ANTXR2: variants seen among roughly 807,000 people sequenced by gnomAD.
ANTXR2 encodes the protein anthrax toxin receptor 2.
Under a neutral mutation model 73.7 loss-of-function variants are expected in ANTXR2, and 44 were observed. The ratio of observed to expected loss-of-function variants is 0.60; its 90% CI spans 0.47 to 0.77. ANTXR2 has a LOEUF of 0.77. Among genes scored for constraint, ANTXR2 ranks in the 30% least tolerant of loss-of-function variants. The pLI is 0.00. For synonymous variants in ANTXR2, 217 were observed against 205.9 expected, an observed-to-expected ratio of 1.05 and a Z score of -0.46; for missense variants, 604 against 592.5, an observed-to-expected ratio of 1.02 and a Z score of -0.20.
At chr4:79,959,204 A>T (rs1729052144) in intron 16 of ANTXR2, among the ~76,000 whole-genome samples, 1 of 152,100 alleles carries the variant, frequency 6.6e-6, no homozygotes, top group Non-Finnish European at 1.5e-5. Flanking sequence ...AAAATTAATC[A>T]TCCAAACTGA....
At chr4:79,954,533 C>T (rs932424337) in intron 16 of ANTXR2, among the ~76,000 whole-genome samples, 1 of 151,968 alleles carries the variant, frequency 6.6e-6, no homozygotes, top group African/African-American at 2.4e-5. Context: ...TCACTTGAGC[C>T]CAGGAGTTCA....
chr4:79,922,500 T>C (rs1341169402), intron 16 of ANTXR2, among the ~76,000 whole-genome samples: 1 of 152,010 alleles, frequency 6.6e-6, no homozygotes, highest in Non-Finnish European at 1.5e-5. Context: ...AAATGAAAAA[T>C]GTAACCTTTC....
At chr4:80,023,173 A>G (rs1732254103) in intron 10 of ANTXR2, among the ~76,000 whole-genome samples, 1 of 152,222 alleles carries the variant, frequency 6.6e-6, no homozygotes, top group Non-Finnish European at 1.5e-5. Flanking sequence ...ATATAAAAAT[A>G]TTGTAAGCTA....
At chr4:79,960,652 TTA>T (rs1408439620) in intron 16 of ANTXR2, among the ~76,000 whole-genome samples, 2 of 152,056 alleles carry the variant, frequency 1.3e-5, no homozygotes, top group African/African-American at 4.8e-5. Context: ...CTCTCTTTTT[TTA>T]TGTTATTTGC....
chr4:80,002,037 T>A (rs554627220), intron 12 of ANTXR2, among the ~76,000 whole-genome samples: 1 of 152,212 alleles, frequency 6.6e-6, no homozygotes, highest in South Asian at 2.1e-4. Flanking sequence ...AATGACTTTC[T>A]TCACAGAATT....
At chr4:80,027,435 C>T (rs1409093170) in intron 10 of ANTXR2, among the ~76,000 whole-genome samples, 1 of 152,148 alleles carries the variant, frequency 6.6e-6, no homozygotes, top group Non-Finnish European at 1.5e-5. Flanking sequence ...CACTGTTCAT[C>T]TCAATGATCC....
intron 3 of ANTXR2, among the ~76,000 whole-genome samples, chr4:80,059,123 A>T (rs1490857786): frequency 1.3e-5 from 2 of 151,494 alleles, no homozygotes; most frequent in South Asian, 4.2e-4. Flanking sequence ...AAATTTTAGC[A>T]CTCTTCTTTT....
At chr4:79,957,893 G>C (rs72871895) in intron 16 of ANTXR2, among the ~76,000 whole-genome samples, 15,881 of 151,968 alleles carry the variant, frequency 0.1, 2,699 homozygotes, top group African/African-American at 0.36. Flanking sequence ...AGAAAAGACT[G>C]TTTAGTCATT....
At chr4:79,934,676 A>T (rs1728190187) in intron 16 of ANTXR2, among the ~76,000 whole-genome samples, 1 of 152,186 alleles carries the variant, frequency 6.6e-6, no homozygotes, top group Non-Finnish European at 1.5e-5. Context: ...AATGTGCATG[A>T]AGCTTAATGC....
At chr4:80,047,587 T>G (rs1449041481) in intron 7 of ANTXR2, among the ~76,000 whole-genome samples, 2 of 151,628 alleles carry the variant, frequency 1.3e-5, no homozygotes. Context: ...CCCAACAGAA[T>G]TGGTACAGGA....
intron 6 of ANTXR2, among the ~76,000 whole-genome samples, 186 bp from the exon 7 acceptor site, chr4:80,054,538 C>T (rs531370127): frequency 6.6e-6 from 1 of 151,718 alleles, no homozygotes; most frequent in African/African-American, 2.4e-5. Flanking sequence ...TGTATTACCA[C>T]AAAATGAATT....
rs1730043366 is a variant in ANTXR2, at chr4:79,984,818, C to T, written c.1086+1G>A. The stretch of plus-strand genomic sequence containing the variant: ...TATCAGTTTTTTAGGCACTCACTTA[C>T]CTCTTTTGGTGCAGGGGCGGGTGGT... On this transcript the variant is annotated splice_donor_variant, in intron 13 of 16. Transcript: ENST00000403729. LOFTEE classifies it high-confidence loss of function. 5 of 1,607,352 alleles carry T rather than the reference C, an allele frequency of 3.1e-6. No individual in the cohort carries two copies. Among genetic ancestry groups the T allele is most frequent in the Non-Finnish European group, 4.3e-6 (5 of 1,176,194 alleles).
intron 16 of ANTXR2, among the ~76,000 whole-genome samples, chr4:79,944,181 C>T (rs1728429365): frequency 1.5e-5 from 1 of 67,020 alleles, no homozygotes; most frequent in African/African-American, 5.1e-5. Context: ...GCAGAAGAGG[C>T]AAGAGCTCTA....
rs1288259138 is a variant in ANTXR2 at position 80,069,489 on chromosome 4, A to C, written c.243T>G (p.Ser81=). The change falls in exon 3 of 17, where the codon TCT becomes TCG. Residue 81 remains serine (S), a synonymous_variant. Coordinates refer to ENST00000403729, the MANE Select transcript of ANTXR2 (RefSeq NM_058172.6). ...TTGCTTGAGAAGAAAACACAATGAA[A>C]GATAATCTCATTTCAGGGCTGCAAA... ...ERFVSPEMRL[S]FIVFSSQATI... The C allele has an allele frequency of 6.2e-7, 1 of 1,603,538 alleles. No individual in the cohort carries two copies. Among genetic ancestry groups the C allele is most frequent in the Middle Eastern group, 1.6e-4 (1 of 6,070 alleles).
intron 3 of ANTXR2, among the ~76,000 whole-genome samples, chr4:80,067,405 A>G (rs999988207): frequency 6.6e-6 from 1 of 152,238 alleles, no homozygotes; most frequent in Non-Finnish European, 1.5e-5. Context: ...AACCATATGC[A>G]AAGTGTCTAG....
At chr4:80,000,898 T>C (rs1261169435) in intron 12 of ANTXR2, among the ~76,000 whole-genome samples, 2 of 152,050 alleles carry the variant, frequency 1.3e-5, no homozygotes, top group Non-Finnish European at 2.9e-5. Context: ...TGAATGAAAC[T>C]GTGCTGGCTC....
intron 16 of ANTXR2, among the ~76,000 whole-genome samples, chr4:79,908,128 T>C (rs1033095988): frequency 1.3e-5 from 2 of 152,188 alleles, no homozygotes; most frequent in African/African-American, 4.8e-5. Context: ...TTGTAAATAA[T>C]CCAAGAAATA....
At chr4:80,020,123 G>C (rs2110070195) in intron 10 of ANTXR2, among the ~76,000 whole-genome samples, 1 of 152,218 alleles carries the variant, frequency 6.6e-6, no homozygotes, top group Non-Finnish European at 1.5e-5. Context: ...CACGCCTATA[G>C]TCCCAGCCCT....
At chr4:80,038,784 C>T (rs1733099962) in intron 7 of ANTXR2, among the ~76,000 whole-genome samples, 2 of 151,952 alleles carry the variant, frequency 1.3e-5, no homozygotes, top group Admixed American at 1.3e-4. Context: ...ACATTGGTAT[C>T]ACAATCTAAT....
Sources: allele counts gnomAD v4.1 joint callset (sites outside exome capture counted in the v4.1 genomes callset), GRCh38; gene constraint gnomAD v4.1.1; transcripts MANE v1.5; gene names NCBI Gene and HGNC (gene_info 2026-07-23, HGNC 2026-07-21).